The following TRPS1 variants were observed in gnomAD, a reference collection of about 807,000 sequenced individuals.
TRPS1 encodes transcriptional repressor GATA binding 1, also known as zinc finger transcription factor Trps1.
Under a neutral mutation model 101.2 loss-of-function variants are expected in TRPS1, and 6 were observed. That is an observed-to-expected ratio of 0.06 (90% CI 0.03 to 0.12). TRPS1 has a LOEUF of 0.12. Ranked by LOEUF, TRPS1 falls within the 10% of genes least tolerant of loss-of-function variation. TRPS1 has a pLI of 1.00. For synonymous variants in TRPS1, 578 were observed against 589.8 expected (o/e 0.98, Z 0.29); for missense variants, 1,363 against 1,567.0 (o/e 0.87, Z 2.20).
chr8:115,456,696 G>T (rs890264465), intron 5 of TRPS1, among the ~76,000 whole-genome samples: 2 of 151,746 alleles, frequency 1.3e-5, no homozygotes, highest in African/African-American at 4.8e-5. Flanking sequence ...AATACATAAA[G>T]AAATACTAAG....
At chr8:115,498,044 A>C (rs1178444410) in intron 5 of TRPS1, among the ~76,000 whole-genome samples, 1 of 152,164 alleles carries the variant, frequency 6.6e-6, no homozygotes, top group East Asian at 1.9e-4. Flanking sequence ...TATAGGCAGA[A>C]CAATGGGCAC....
chr8:115,601,992 T>C (rs1002959729), intron 4 of TRPS1, among the ~76,000 whole-genome samples: 2 of 152,206 alleles, frequency 1.3e-5, no homozygotes, highest in Non-Finnish European at 2.9e-5. Flanking sequence ...AATAGTTTTA[T>C]TCATATTTTA....
intron 5 of TRPS1, among the ~76,000 whole-genome samples, chr8:115,538,655 A>G (rs1816380644): frequency 6.6e-6 from 1 of 152,092 alleles, no homozygotes; most frequent in South Asian, 2.1e-4. Context: ...TCTGTGACCA[A>G]TATTTAGAAT....
chr8:115,565,078 C>T (rs1282071221), intron 5 of TRPS1, among the ~76,000 whole-genome samples: 4 of 151,998 alleles, frequency 2.6e-5, no homozygotes, highest in African/African-American at 4.8e-5. Context: ...GTTACTGCCC[C>T]GTGGGAATAG....
chr8:115,494,918 C>T (rs1419825273), intron 5 of TRPS1, among the ~76,000 whole-genome samples: 1 of 152,134 alleles, frequency 6.6e-6, no homozygotes, highest in South Asian at 2.1e-4. Flanking sequence ...ACCTTTTCAT[C>T]CCACTCGGAG....
chr8:115,437,899 C>T (rs1813495484), intron 5 of TRPS1, among the ~76,000 whole-genome samples: 1 of 152,126 alleles, frequency 6.6e-6, no homozygotes, highest in Non-Finnish European at 1.5e-5. Context: ...ATTCTTTCTC[C>T]AGAAAAGAAA....
At position 115,414,914 on chromosome 8, in the gene TRPS1, T is replaced by C. The variant is rs775997685; in HGVS notation, c.2994A>G (p.Glu998=). The C allele has an allele frequency of 6.2e-7, 1 of 1,608,692 alleles. No individual in the cohort carries two copies. The highest frequency in any genetic ancestry group is 1.3e-5 in the African/African-American group (1 of 74,574). ...TCTGGTGACTTTCAGTTAGATGATC[T>C]TCTGACCTCCTCTCTAACGGGCTTC... ...VNGSPLERRS[E]DHLTESHQRE... The change falls in exon 7 of 7, where the codon GAA becomes GAG. Residue 998 remains glutamate, a synonymous_variant. Coordinates refer to ENST00000395715, the MANE Select transcript of TRPS1 (RefSeq NM_014112.5). This position sits in a 1 kb window ranked among gnomAD's most constrained non-coding sequence, Gnocchi z 4.8.
At chr8:115,626,496 C>T (rs558688546) in intron 1 of TRPS1, among the ~76,000 whole-genome samples, 1 of 151,874 alleles carries the variant, frequency 6.6e-6, no homozygotes, top group South Asian at 2.1e-4. Context: ...CTTCAAACTT[C>T]GTAAACTCAA....
intron 5 of TRPS1, among the ~76,000 whole-genome samples, chr8:115,572,835 A>G (rs2130401282): frequency 6.6e-6 from 1 of 152,224 alleles, no homozygotes; most frequent in East Asian, 1.9e-4. Flanking sequence ...CTAATGATAC[A>G]CTGAAAATAA....
intron 5 of TRPS1, among the ~76,000 whole-genome samples, chr8:115,564,131 T>C (rs1432823551): frequency 2.0e-5 from 3 of 152,046 alleles, no homozygotes; most frequent in African/African-American, 7.2e-5. Context: ...CAGGAATTTA[T>C]GTCAAATTAC....
At chr8:115,665,726 C>G (rs867582031) in intron 1 of TRPS1, among the ~76,000 whole-genome samples, 5 of 152,148 alleles carry the variant, frequency 3.3e-5, no homozygotes, top group Non-Finnish European at 5.9e-5. Flanking sequence ...GCTATTATGA[C>G]ATTTTTCTCC....
intron 1 of TRPS1, among the ~76,000 whole-genome samples, chr8:115,661,333 T>C (rs1248872726): frequency 6.6e-6 from 1 of 152,048 alleles, no homozygotes; most frequent in African/African-American, 2.4e-5. Context: ...ACAGAGTTAA[T>C]AGTTAGCATT....
chr8:115,442,925 A>T (rs560218377), intron 5 of TRPS1, among the ~76,000 whole-genome samples: 38 of 150,048 alleles, frequency 2.5e-4, no homozygotes, highest in African/African-American at 9.6e-4. Flanking sequence ...ACCCATCTCT[A>T]CTAAAAAAAA....
chr8:115,454,188 T>C (rs1813956117), intron 5 of TRPS1, among the ~76,000 whole-genome samples: 2 of 152,198 alleles, frequency 1.3e-5, no homozygotes, highest in African/African-American at 4.8e-5. Flanking sequence ...CAGTATGTCT[T>C]GTTGGGGCCA....
intron 3 of TRPS1, among the ~76,000 whole-genome samples, chr8:115,605,623 G>A (rs542045603): frequency 6.6e-6 from 1 of 152,100 alleles, no homozygotes; most frequent in South Asian, 2.1e-4. Flanking sequence ...TAGCAAAGAA[G>A]AACCGTGTAA....
chr8:115,465,164 G>C (rs1814286380), intron 5 of TRPS1, among the ~76,000 whole-genome samples: 1 of 151,922 alleles, frequency 6.6e-6, no homozygotes, highest in South Asian at 2.1e-4. Context: ...AAGGACACGA[G>C]AACACAAACG....
intron 5 of TRPS1, among the ~76,000 whole-genome samples, chr8:115,564,933 G>C (rs927733945): frequency 6.6e-6 from 1 of 152,070 alleles, no homozygotes; most frequent in African/African-American, 2.4e-5. Context: ...CACTTGAAAA[G>C]ACTGTCATTA....
intron 5 of TRPS1, among the ~76,000 whole-genome samples, chr8:115,502,792 T>C (rs1490281248): frequency 6.6e-6 from 1 of 152,144 alleles, no homozygotes; most frequent in South Asian, 2.1e-4. Context: ...ATCTCATGTA[T>C]TTAATATTTA....
chr8:115,663,568 T>A (rs1408618324), intron 1 of TRPS1, among the ~76,000 whole-genome samples: 1 of 151,946 alleles, frequency 6.6e-6, no homozygotes, highest in Non-Finnish European at 1.5e-5. Context: ...GACAAGTGTA[T>A]CCTTAATGTC....
Sources: gnomAD v4.1 joint callset for allele counts (sites outside exome capture counted in the v4.1 genomes callset) on GRCh38, gnomAD v4.1.1 for gene constraint, Gnocchi (gnomAD v3.1) non-coding constraint, MANE v1.5 for transcripts, NCBI Gene and HGNC (gene_info 2026-07-23, HGNC 2026-07-21) for gene names.